Variants in PRKN observed in about 807,000 individuals in gnomAD.
PRKN encodes E3 ubiquitin-protein ligase parkin.
A neutral mutation model predicts 59.5 loss-of-function variants in PRKN; 56 were observed. The observed-to-expected ratio is 0.94, with a 90% CI of 0.76 to 1.18. The LOEUF (loss-of-function observed/expected upper bound fraction) is 1.18. PRKN is among the 50% of genes most tolerant of loss of function. PRKN has a pLI of 0.00. For missense variants in PRKN, 657 were observed against 596.4 expected (o/e 1.10, Z -1.06); for synonymous variants, 250 against 222.1 (o/e 1.13, Z -1.12).
chr6:161,647,868 T>C (rs1326182781), intron 7 of PRKN, among the ~76,000 whole-genome samples: 2 of 152,172 alleles, frequency 1.3e-5, no homozygotes, highest in East Asian at 3.8e-4. Context: ...AATAAGAGCA[T>C]GCAAAGAGCC....
At position 162,133,137 on chromosome 6, in the gene PRKN, T is replaced by C. The variant is rs566677578; in HGVS notation, c.534+67994A>G. ...AAAATGTTAGAAGGATCACTCTGGC[T>C]GCTGTGTGAGAATCAGCTGAGAACA... is the stretch of plus-strand genomic sequence containing the variant. On this transcript the variant is annotated intron_variant, in intron 4 of 11. Coordinates refer to ENST00000366898, the MANE Select transcript of PRKN (RefSeq NM_004562.3). Among the ~76,000 whole-genome samples the C allele has an allele frequency of 2.0e-5, 3 of 152,334 alleles. No individual in the cohort carries two copies. The South Asian group carries it at 6.2e-4, about 32-fold the overall frequency.
At chr6:162,509,744 G>A (rs1209037963) in intron 1 of PRKN, among the ~76,000 whole-genome samples, 2 of 152,164 alleles carry the variant, frequency 1.3e-5, no homozygotes, top group East Asian at 1.9e-4. Flanking sequence ...AAAGTCATTA[G>A]TTGTTTTATT....
chr6:161,630,341 G>A (rs1292675025), intron 7 of PRKN, among the ~76,000 whole-genome samples: 1 of 152,140 alleles, frequency 6.6e-6, no homozygotes, highest in Non-Finnish European at 1.5e-5. Flanking sequence ...CTTCCCTGTA[G>A]AGCCGTAGAT....
intron 2 of PRKN, among the ~76,000 whole-genome samples, chr6:162,363,872 T>C (rs1785280031): frequency 6.6e-6 from 1 of 152,156 alleles, no homozygotes; most frequent in Non-Finnish European, 1.5e-5. Context: ...ACTGGTAACC[T>C]AAAGAGATAA....
At chr6:162,084,573 T>C (rs905671147) in intron 4 of PRKN, among the ~76,000 whole-genome samples, 1 of 152,154 alleles carries the variant, frequency 6.6e-6, no homozygotes, top group African/African-American at 2.4e-5. Context: ...TTTATGAATG[T>C]AATGAAATAA....
At position 162,262,704 on chromosome 6, in the gene PRKN, T is replaced by G. The variant is rs1050736954; in HGVS notation, c.233A>C (p.Gln78Pro). Residue 78 changes from glutamine (Q) to proline (P), a missense_variant, in exon 3 of 12, where the codon CAA (glutamine) becomes CCA (proline). Coordinates refer to ENST00000366898, the MANE Select transcript of PRKN (RefSeq NM_004562.3). ...GTCGCCTCCAGTTGCATTCATTTCT[T>G]GACCTTTTCTCCACGGTCTCTGCAC... ...HIVQRPWRKG[Q>P]EMNATGGDDP... 1 of 1,612,744 alleles carries G rather than the reference T, an allele frequency of 6.2e-7. No individual in the cohort carries two copies. The highest frequency in any genetic ancestry group is 8.5e-7 in the Non-Finnish European group (1 of 1,179,944).
chr6:162,426,930 C>T (rs1789266327), intron 2 of PRKN, among the ~76,000 whole-genome samples: 1 of 152,118 alleles, frequency 6.6e-6, no homozygotes. Context: ...GGAGACAAAC[C>T]AGAGGTTGAC....
intron 4 of PRKN, among the ~76,000 whole-genome samples, chr6:162,063,631 G>A (rs1476541242): frequency 8.8e-5 from 5 of 56,812 alleles, no homozygotes; most frequent in Non-Finnish European, 2.3e-4. Flanking sequence ...TGCAAACTCT[G>A]CCTCCCAGGT....
At chr6:162,320,897 ATG>A (rs1745623164) in intron 2 of PRKN, among the ~76,000 whole-genome samples, 1 of 150,336 alleles carries the variant, frequency 6.7e-6, no homozygotes, top group Admixed American at 6.6e-5. Flanking sequence ...CTAAAGCAAT[ATG>A]CAAAGAAAAT....
At chr6:162,652,411 T>C (rs1778478954) in intron 1 of PRKN, among the ~76,000 whole-genome samples, 2 of 152,206 alleles carry the variant, frequency 1.3e-5, no homozygotes, top group Admixed American at 1.3e-4. Context: ...AACAATTGTT[T>C]CCAATTTCTC....
chr6:162,650,074 G>C (rs962321740), intron 1 of PRKN, among the ~76,000 whole-genome samples: 1 of 152,180 alleles, frequency 6.6e-6, no homozygotes, highest in African/African-American at 2.4e-5. Flanking sequence ...TGTTAAGATT[G>C]CTAAAAGTGA....
intron 5 of PRKN, among the ~76,000 whole-genome samples, chr6:162,031,770 T>G (rs2128279222): frequency 6.6e-6 from 1 of 152,234 alleles, no homozygotes. Flanking sequence ...CCTCAGGTGA[T>G]CCACCCCACT....
chr6:162,113,848 G>C (rs916682058), intron 4 of PRKN, among the ~76,000 whole-genome samples: 6 of 152,034 alleles, frequency 3.9e-5, no homozygotes, highest in African/African-American at 1.2e-4. Flanking sequence ...ATGGTTTTAG[G>C]TCTAACGTTT....
At chr6:161,350,844 T>A (rs1582954629) in intron 11 of PRKN, among the ~76,000 whole-genome samples, 1 of 88,528 alleles carries the variant, frequency 1.1e-5, no homozygotes, top group Non-Finnish European at 1.9e-5. Context: ...TATATATTTT[T>A]ATATATTTAT....
Position 161,359,161 on chromosome 6 carries a change from G to A in PRKN, c.1285+927C>T, listed in dbSNP as rs1784881681. 6.6e-6 allele frequency among the ~76,000 whole-genome samples: 1 copy of A among 152,184 alleles called. No homozygotes were observed. The highest frequency in any genetic ancestry group is 2.4e-5 in the African/African-American group (1 of 41,452). ...TAGGAGCACTGCTGCATGCAATGGA[G>A]TAATAAGGACACGCTGGGTAAATTA... is the stretch of plus-strand genomic sequence containing the variant. On this transcript the variant is annotated intron_variant, in intron 11 of 11. Transcript: ENST00000366898. The surrounding 1 kb of genome is among the most constrained non-coding windows in gnomAD (Gnocchi z 5.4).
At chr6:161,438,631 A>C (rs1379461139) in intron 9 of PRKN, among the ~76,000 whole-genome samples, 2 of 152,134 alleles carry the variant, frequency 1.3e-5, no homozygotes, top group Admixed American at 6.5e-5. Flanking sequence ...GCGAAATAGG[A>C]AATCTAAATC....
At chr6:162,313,597 C>A (rs1176564991) in intron 2 of PRKN, among the ~76,000 whole-genome samples, 1 of 152,014 alleles carries the variant, frequency 6.6e-6, no homozygotes, top group Non-Finnish European at 1.5e-5. Context: ...AAGCAATTCT[C>A]CTGTCTCAGC....
At chr6:162,657,040 C>G (rs1778669836) in intron 1 of PRKN, among the ~76,000 whole-genome samples, 1 of 152,198 alleles carries the variant, frequency 6.6e-6, no homozygotes, top group African/African-American at 2.4e-5. Context: ...TTTAATTTTA[C>G]TGACCCTTGA....
At chr6:162,383,135 T>C (rs1786587133) in intron 2 of PRKN, among the ~76,000 whole-genome samples, 1 of 152,182 alleles carries the variant, frequency 6.6e-6, no homozygotes, top group Non-Finnish European at 1.5e-5. Flanking sequence ...AAACTCATGT[T>C]AATGTTAATA....
Sources: allele counts gnomAD v4.1 joint callset (sites outside exome capture counted in the v4.1 genomes callset), GRCh38; gene constraint gnomAD v4.1.1; non-coding constraint Gnocchi (gnomAD v3.1); transcripts MANE v1.5; gene names NCBI Gene and HGNC (gene_info 2026-07-23, HGNC 2026-07-21).